Variants in AP4E1 observed in about 807,000 individuals in gnomAD.
AP4E1 encodes the protein AP-4 complex subunit epsilon-1.
In AP4E1, 56 loss-of-function variants were observed where a neutral mutation model predicts 128.2. The observed-to-expected ratio is 0.44, with a 90% CI of 0.35 to 0.55. The LOEUF (loss-of-function observed/expected upper bound fraction) is 0.55, where lower values mean the gene tolerates loss of function less well. Among genes scored for constraint, AP4E1 ranks in the 20% least tolerant of loss-of-function variants. The probability of loss-of-function intolerance (pLI) is 0.00; values close to 1 mark genes in which losing one functional copy is unlikely to be tolerated. For missense variants in AP4E1, 1,324 were observed against 1,307.7 expected, an observed-to-expected ratio of 1.01 and a Z score of -0.19; for synonymous variants, 484 against 473.1, an observed-to-expected ratio of 1.02 and a Z score of -0.30.
At chr15:50,964,783 G>C (rs1472262319) in intron 14 of AP4E1, among the ~76,000 whole-genome samples, 2 of 152,030 alleles carry the variant, frequency 1.3e-5, no homozygotes, top group African/African-American at 4.8e-5. Flanking sequence ...GATATGGTTT[G>C]GATCTCCCGC....
intron 16 of AP4E1, among the ~76,000 whole-genome samples, chr15:50,989,555 A>G (rs1007932288): frequency 1.3e-5 from 2 of 152,012 alleles, no homozygotes; most frequent in African/African-American, 4.8e-5. Context: ...TGATACTCCA[A>G]GCATGGGGAG....
At chr15:50,926,889 C>T (rs974009264) in intron 5 of AP4E1, among the ~76,000 whole-genome samples, 2 of 152,168 alleles carry the variant, frequency 1.3e-5, no homozygotes, top group African/African-American at 4.8e-5. Context: ...CATGCCCGGC[C>T]AACTTGTATA....
chr15:50,974,393 A>T (rs931617290), intron 15 of AP4E1, among the ~76,000 whole-genome samples: 4 of 151,176 alleles, frequency 2.6e-5, no homozygotes, highest in Non-Finnish European at 5.9e-5. Context: ...CAGCTTCCTG[A>T]GTATCTAGGA....
chr15:50,973,334 G>A (rs1277986381), intron 15 of AP4E1, among the ~76,000 whole-genome samples: 1 of 152,080 alleles, frequency 6.6e-6, no homozygotes, highest in Non-Finnish European at 1.5e-5. Context: ...ATTATTAATA[G>A]GCCTGATGTT....
At chr15:50,990,448 T>G (rs953831571) in intron 16 of AP4E1, among the ~76,000 whole-genome samples, 1 of 151,542 alleles carries the variant, frequency 6.6e-6, no homozygotes, top group Non-Finnish European at 1.5e-5. Context: ...ATCCTCCGCT[T>G]CCTGGGTTCT....
At chr15:50,920,356 G>T (rs1242846646) in intron 3 of AP4E1, among the ~76,000 whole-genome samples, 1 of 146,468 alleles carries the variant, frequency 6.8e-6, no homozygotes, top group African/African-American at 2.5e-5. Flanking sequence ...CTCGTGATCC[G>T]CCCGCCTCAG....
intron 1 of AP4E1, among the ~76,000 whole-genome samples, chr15:50,910,886 C>T (rs531586487): frequency 2.0e-5 from 3 of 152,262 alleles, no homozygotes; most frequent in African/African-American, 7.2e-5. Context: ...GAACTCCTGA[C>T]CTCAGGTAAT....
intron 16 of AP4E1, 97 bp downstream of exon 16, chr15:50,984,242 CAT>C: frequency 7.1e-7 from 1 of 1,399,288 alleles, no homozygotes; most frequent in Non-Finnish European, 1.0e-6. Flanking sequence ...TCATCATGGT[CAT>C]TATTTGCTTA....
chr15:50,952,176 T>G (rs185577587), intron 13 of AP4E1, among the ~76,000 whole-genome samples: 1 of 152,326 alleles, frequency 6.6e-6, no homozygotes, highest in Admixed American at 6.5e-5. Context: ...AACATGAATC[T>G]TCTATGAATG....
chr15:50,971,077 G>A (rs940444559), intron 15 of AP4E1, among the ~76,000 whole-genome samples: 5 of 152,136 alleles, frequency 3.3e-5, no homozygotes, highest in Non-Finnish European at 7.3e-5. Context: ...CATAATGGTA[G>A]TTATTGTCTT....
chr15:51,002,543 C>T lies in AP4E1; in HGVS notation c.3295C>T (p.Pro1099Ser). Residue 1099 changes from proline (P) to serine (S), a missense_variant, in exon 21 of 21, where the codon CCC becomes TCC. Transcript: ENST00000261842. ...GGCCTGTCAGCTGCTCCCATCCATC[C>T]CCTGCTTACTGCATTGCCGAGTTCA... ...LLACQLLPSI[P>S]CLLHCRVHAD... 1 of 1,614,134 alleles carries T rather than the reference C, an allele frequency of 6.2e-7. No individual in the cohort carries two copies. The highest frequency in any genetic ancestry group is 8.5e-7 in the Non-Finnish European group (1 of 1,180,020).
chr15:50,922,729 T>C (rs17521467), intron 3 of AP4E1, among the ~76,000 whole-genome samples: 20,970 of 151,942 alleles, frequency 0.14, 1,589 homozygotes, highest in South Asian at 0.2. Context: ...GTTTGAGTCC[T>C]GGCTCCACCA....
intron 10 of AP4E1, among the ~76,000 whole-genome samples, chr15:50,946,341 C>CT (rs1360850128): frequency 6.6e-6 from 1 of 152,118 alleles, no homozygotes; most frequent in African/African-American, 2.4e-5. Context: ...CTTATGTTAT[C>CT]TTTAACATTA....
At chr15:50,939,182 C>T (rs1049980752) in intron 8 of AP4E1, among the ~76,000 whole-genome samples, 2 of 151,982 alleles carry the variant, frequency 1.3e-5, no homozygotes, top group African/African-American at 4.8e-5. Flanking sequence ...TTTAGAAACC[C>T]TCAGTTGTGG....
chr15:50,988,566 C>T (rs926385078), intron 16 of AP4E1, among the ~76,000 whole-genome samples: 7 of 152,116 alleles, frequency 4.6e-5, no homozygotes, highest in South Asian at 2.1e-4. Context: ...CCACCCACCT[C>T]GGCCTCCCAA....
At position 50,941,796 on chromosome 15, in the gene AP4E1, G is replaced by T. The variant is rs750479747; in HGVS notation, c.1176+21G>T. The T allele has an allele frequency of 7.0e-6, 11 of 1,577,106 alleles. No individual in the cohort carries two copies. The African/African-American group carries it at 1.2e-4, about 17-fold the overall frequency. On this transcript the variant is annotated intron_variant, in intron 10 of 20. Transcript: ENST00000261842. ...GAGAGGTAAACTGGTATTTTGAATA[G>T]TATATGTGAAGTGTTAAAATTTTTA...
chr15:50,977,706 G>GTTTT (rs1401774266), intron 15 of AP4E1, among the ~76,000 whole-genome samples: 3 of 80,296 alleles, frequency 3.7e-5, no homozygotes, highest in Non-Finnish European at 5.2e-5. Context: ...ATCTGTTATG[G>GTTTT]TTTTTTTTTT....
chr15:50,966,104 A>G (rs1194430615), intron 14 of AP4E1, among the ~76,000 whole-genome samples: 2 of 152,076 alleles, frequency 1.3e-5, no homozygotes, highest in South Asian at 2.1e-4. Context: ...TAATTTTAGT[A>G]TAGACAGGGT....
intron 3 of AP4E1, among the ~76,000 whole-genome samples, chr15:50,919,318 AG>A (rs2063665861): frequency 1.3e-5 from 2 of 152,028 alleles, no homozygotes; most frequent in East Asian, 3.9e-4. Context: ...AGATCACTTG[AG>A]GTCAGGAGTA....
Sources: gnomAD v4.1 joint callset for allele counts (sites outside exome capture counted in the v4.1 genomes callset) on GRCh38, gnomAD v4.1.1 for gene constraint, MANE v1.5 for transcripts, NCBI Gene and HGNC (gene_info 2026-07-23, HGNC 2026-07-21) for gene names.